Variants in CEMIP observed in about 807,000 individuals in gnomAD.
The protein encoded by CEMIP is cell migration inducing hyaluronidase 1.
A neutral mutation model predicts 156.9 loss-of-function variants in CEMIP; 105 were observed. That is an observed-to-expected ratio of 0.67 (90% CI 0.57 to 0.79). CEMIP has a LOEUF of 0.79. CEMIP is among the 30% of genes least tolerant of loss of function. The pLI is 0.00. For missense variants in CEMIP, 1,457 were observed against 1,769.4 expected (o/e 0.82, Z 3.17); for synonymous variants, 676 against 668.4 (o/e 1.01, Z -0.17).
intron 1 of CEMIP, among the ~76,000 whole-genome samples, chr15:80,865,865 G>A (rs1447275713): frequency 6.6e-6 from 1 of 152,158 alleles, no homozygotes; most frequent in African/African-American, 2.4e-5. Flanking sequence ...GGTTTGCTGG[G>A]AGGGTCATGT....
intron 1 of CEMIP, among the ~76,000 whole-genome samples, chr15:80,796,546 G>A (rs998569429): frequency 6.6e-6 from 1 of 152,206 alleles, no homozygotes; most frequent in Non-Finnish European, 1.5e-5. Flanking sequence ...CATGTTCCAT[G>A]TCCCACTTAT....
intron 1 of CEMIP, among the ~76,000 whole-genome samples, chr15:80,855,595 C>CCT (rs1357670160): frequency 6.6e-6 from 1 of 151,956 alleles, no homozygotes; most frequent in African/African-American, 2.4e-5. Flanking sequence ...GCAACTTCTG[C>CCT]CTCCTGGGTT....
At chr15:80,827,938 C>T (rs188153565) in intron 1 of CEMIP, among the ~76,000 whole-genome samples, 2 of 152,290 alleles carry the variant, frequency 1.3e-5, no homozygotes, top group East Asian at 3.9e-4. Context: ...AGATTTGAAA[C>T]AGTCTCATAC....
chr15:80,810,569 G>A lies in CEMIP; in HGVS notation c.-176+30955G>A, dbSNP rs148560953. ...TTTTTAGTAGAGATGGGCTTTCACC[G>A]TGGTCTTGATCTCCTGACCTTGTGA... On this transcript the variant is annotated intron_variant, in intron 1 of 29. Coordinates refer to ENST00000394685, the MANE Select transcript of CEMIP (RefSeq NM_001293298.2). Among the ~76,000 whole-genome samples, 113 of 152,132 alleles carry A rather than the reference G, an allele frequency of 7.4e-4. 1 individual carries two copies. In the East Asian group the frequency reaches 0.014, roughly 19 times the overall value.
At chr15:80,843,025 G>A (rs554947056) in intron 1 of CEMIP, among the ~76,000 whole-genome samples, 5 of 152,322 alleles carry the variant, frequency 3.3e-5, no homozygotes, top group Middle Eastern at 3.4e-3. Context: ...AGTGAGAGGT[G>A]ATGAGCTGGA....
At chr15:80,915,637 CT>C (rs1414729698) in intron 14 of CEMIP, among the ~76,000 whole-genome samples, 1 of 152,140 alleles carries the variant, frequency 6.6e-6, no homozygotes, top group Non-Finnish European at 1.5e-5. Flanking sequence ...ACAGGTCCCT[CT>C]ATAGACCAAA....
chr15:80,817,361 G>A (rs1439813757), intron 1 of CEMIP, among the ~76,000 whole-genome samples: 3 of 152,138 alleles, frequency 2.0e-5, no homozygotes, highest in South Asian at 4.2e-4. Context: ...CTGAGAGGAC[G>A]AGGTGGGTGA....
intron 1 of CEMIP, among the ~76,000 whole-genome samples, chr15:80,865,610 T>C (rs2141780759): frequency 6.6e-6 from 1 of 152,194 alleles, no homozygotes; most frequent in Admixed American, 6.5e-5. Context: ...ACTTTTTTGC[T>C]TATCTGTGAT....
intron 1 of CEMIP, among the ~76,000 whole-genome samples, chr15:80,830,590 G>T (rs1383609341): frequency 6.6e-6 from 1 of 152,212 alleles, no homozygotes; most frequent in Non-Finnish European, 1.5e-5. Context: ...GCACCTTGGA[G>T]TTGCCGGGGG....
At chr15:80,802,256 C>A (rs749296282) in intron 1 of CEMIP, among the ~76,000 whole-genome samples, 4 of 152,210 alleles carry the variant, frequency 2.6e-5, no homozygotes, top group Non-Finnish European at 5.9e-5. Flanking sequence ...GAGGCAGACA[C>A]CATAAGGCGG....
chr15:80,839,065 A>G lies in CEMIP; in HGVS notation c.-175-34473A>G, dbSNP rs566206210. On this transcript the variant is annotated intron_variant, in intron 1 of 29. Coordinates refer to ENST00000394685, the MANE Select transcript of CEMIP (RefSeq NM_001293298.2). ...TGAGCCCTCTGAGGTAACAGGAAAT[A>G]GAGGCAGCGGGACTCAGGCTGGGGT... Among the ~76,000 whole-genome samples the G allele has an allele frequency of 2.4e-3, 365 of 152,314 alleles. 2 individuals are homozygous for G. Among genetic ancestry groups the G allele is most frequent in the Non-Finnish European group, 4.6e-3 (310 of 68,032 alleles).
rs750177478 is a variant in CEMIP, at chr15:80,909,314, C to T, written c.1797+8C>T. ...GGCTCCAATGGCTTGTTGGTAAGAA[C>T]CTCCTTCCCTCAGGGAACTCTGGGG... On this transcript the variant is annotated splice_region_variant and intron_variant, in intron 14 of 29. Transcript: ENST00000394685. The T allele has an allele frequency of 1.2e-6, 2 of 1,613,808 alleles. No homozygotes were observed. Among genetic ancestry groups the T allele is most frequent in the South Asian group, 2.2e-5 (2 of 91,064 alleles).
chr15:80,884,058 C>A, intron 6 of CEMIP, 117 bp from the exon 7 acceptor site: 1 of 1,021,926 alleles, frequency 9.8e-7, no homozygotes, highest in Non-Finnish European at 1.5e-6. Context: ...CTTTAAGAAT[C>A]ACAGCCCTGG....
chr15:80,940,407 C>T, intron 25 of CEMIP, among the ~76,000 whole-genome samples: 1 of 152,246 alleles, frequency 6.6e-6, no homozygotes, highest in Non-Finnish European at 1.5e-5. Context: ...AATCCCATTT[C>T]TGTGCTTGGT....
intron 1 of CEMIP, among the ~76,000 whole-genome samples, chr15:80,829,965 GGTGTGTGTGTGTGT>G (rs370594946): frequency 7.5e-6 from 1 of 133,710 alleles, no homozygotes; most frequent in Non-Finnish European, 1.6e-5. Context: ...GGAGGTAGCG[GGTGTGTGTGTGTGT>G]GTGTGTGTGT....
intron 1 of CEMIP, among the ~76,000 whole-genome samples, chr15:80,781,669 AT>A (rs1895801443): frequency 6.8e-6 from 1 of 148,014 alleles, no homozygotes; most frequent in South Asian, 2.2e-4. Flanking sequence ...ATAAAAAAAA[AT>A]TTTGAGACAG....
At chr15:80,818,887 A>G (rs1452101103) in intron 1 of CEMIP, among the ~76,000 whole-genome samples, 1 of 152,218 alleles carries the variant, frequency 6.6e-6, no homozygotes, top group Non-Finnish European at 1.5e-5. Flanking sequence ...AGGGCTTCAC[A>G]GTAGCTGTTG....
At chr15:80,832,556 C>T (rs1472020913) in intron 1 of CEMIP, among the ~76,000 whole-genome samples, 1 of 152,070 alleles carries the variant, frequency 6.6e-6, no homozygotes, top group South Asian at 2.1e-4. Flanking sequence ...GGGGGTCTCA[C>T]TGAGACACTC....
chr15:80,916,254 C>G (rs1210969951), intron 14 of CEMIP, among the ~76,000 whole-genome samples: 1 of 152,120 alleles, frequency 6.6e-6, no homozygotes, highest in Non-Finnish European at 1.5e-5. Context: ...ATGGTCACAC[C>G]CTCCCCCGCC....
Sources: allele counts gnomAD v4.1 joint callset (sites outside exome capture counted in the v4.1 genomes callset), GRCh38; gene constraint gnomAD v4.1.1; transcripts MANE v1.5; gene names NCBI Gene and HGNC (gene_info 2026-07-23, HGNC 2026-07-21).